DYNC1I1: variants seen among roughly 807,000 people sequenced by gnomAD.
DYNC1I1 encodes cytoplasmic dynein 1 intermediate chain 1.
In DYNC1I1, 43 loss-of-function variants were observed where a neutral mutation model predicts 86.6. That is an observed-to-expected ratio of 0.50 (90% confidence interval 0.39 to 0.64). The LOEUF is 0.64. Ranked by LOEUF, DYNC1I1 falls within the 30% of genes least tolerant of loss-of-function variation. DYNC1I1 has a pLI of 0.00. For missense variants in DYNC1I1, 604 were observed against 788.8 expected (o/e 0.77, Z 2.81); for synonymous variants, 262 against 283.7 (o/e 0.92, Z 0.77).
intron 6 of DYNC1I1, among the ~76,000 whole-genome samples, chr7:95,884,213 G>A (rs761013015): frequency 3.9e-5 from 6 of 152,226 alleles, no homozygotes; most frequent in Non-Finnish European, 7.4e-5. Flanking sequence ...AGACTCCAGC[G>A]GGACATGGTT....
intron 6 of DYNC1I1, among the ~76,000 whole-genome samples, chr7:95,911,256 G>A (rs1246970226): frequency 1.3e-5 from 2 of 152,156 alleles, no homozygotes; most frequent in Admixed American, 1.3e-4. Flanking sequence ...ACTTGTCAGT[G>A]ACCAAAGTGA....
At chr7:96,009,941 G>T (rs576808655) in intron 10 of DYNC1I1, among the ~76,000 whole-genome samples, 1 of 151,760 alleles carries the variant, frequency 6.6e-6, no homozygotes, top group African/African-American at 2.4e-5. Context: ...CACCACACCC[G>T]GCAAATTTTG....
intron 4 of DYNC1I1, among the ~76,000 whole-genome samples, chr7:95,822,619 A>G (rs543445077): frequency 2.6e-5 from 4 of 152,328 alleles, no homozygotes; most frequent in African/African-American, 4.8e-5. Flanking sequence ...GAGTAGGTAC[A>G]GAATTATTGG....
At chr7:95,798,564 CTT>C (rs1221431609) in intron 1 of DYNC1I1, among the ~76,000 whole-genome samples, 3 of 152,100 alleles carry the variant, frequency 2.0e-5, no homozygotes, top group African/African-American at 7.2e-5. Flanking sequence ...GAAAAGAAAA[CTT>C]ATTTCTGGGT....
At chr7:96,062,316 C>T (rs1462892387) in intron 14 of DYNC1I1, among the ~76,000 whole-genome samples, 14 of 152,136 alleles carry the variant, frequency 9.2e-5, no homozygotes, top group Admixed American at 9.2e-4. Context: ...CTGTATTCTT[C>T]CGGAGACAGA....
rs558801286 is a variant in DYNC1I1 at position 95,924,640 on chromosome 7, A to G, written c.491-52872A>G. ...GGAAACACATTAGGTCACTCATTAG[A>G]ACAATTCTGAGTGTTCCTTAAACTT... On this transcript the variant is annotated intron_variant, in intron 6 of 16. Coordinates refer to ENST00000447467, the MANE Select transcript of DYNC1I1 (RefSeq NM_001135556.2). 9.9e-4 allele frequency among the ~76,000 whole-genome samples: 151 copies of G among 152,274 alleles called. 1 individual carries two copies. The highest frequency in any genetic ancestry group is 1.5e-3 in the Non-Finnish European group (100 of 67,998).
rs188381955 is a variant in DYNC1I1, at chr7:95,954,813, G to A, written c.491-22699G>A. 7.0e-3 allele frequency among the ~76,000 whole-genome samples: 1,053 copies of A among 151,324 alleles called. 13 individuals carry two copies. The highest frequency in any genetic ancestry group is 0.024 in the African/African-American group (988 of 41,092). ...CGCCTGTAGTCCCAGCTACTCAGGA[G>A]GCTGAGGCAGGAGAATGGCGTGAAC... On this transcript the variant is annotated intron_variant, in intron 6 of 16. Transcript: ENST00000447467.
chr7:96,048,406 A>C (rs535529834), intron 14 of DYNC1I1, among the ~76,000 whole-genome samples: 1 of 152,260 alleles, frequency 6.6e-6, no homozygotes, highest in East Asian at 1.9e-4. Context: ...CAATTCTTCC[A>C]AGCCAGTGTT....
At chr7:96,017,548 T>G (rs2115887874) in intron 10 of DYNC1I1, among the ~76,000 whole-genome samples, 1 of 152,326 alleles carries the variant, frequency 6.6e-6, no homozygotes, top group South Asian at 2.1e-4. Context: ...TTCTAAAATA[T>G]GACCATTTTG....
intron 6 of DYNC1I1, among the ~76,000 whole-genome samples, chr7:95,973,184 G>C (rs916364913): frequency 6.6e-6 from 1 of 152,144 alleles, no homozygotes; most frequent in African/African-American, 2.4e-5. Flanking sequence ...TTATTTAACT[G>C]TTTTGAAAAT....
intron 5 of DYNC1I1, among the ~76,000 whole-genome samples, chr7:95,828,810 G>A (rs1041349181): frequency 5.3e-5 from 8 of 152,096 alleles, no homozygotes; most frequent in African/African-American, 1.4e-4. Flanking sequence ...ATTTATTTCC[G>A]TTGTAGGATT....
At chr7:95,986,511 TCTGG>T (rs1440139490) in intron 8 of DYNC1I1, among the ~76,000 whole-genome samples, 1 of 152,134 alleles carries the variant, frequency 6.6e-6, no homozygotes, top group African/African-American at 2.4e-5. Context: ...CTGGAACATA[TCTGG>T]TGAATCCTCC....
rs558490843 is a variant in DYNC1I1 at position 96,058,710 on chromosome 7, C to G, written c.1510-17347C>G. Among the ~76,000 whole-genome samples the G allele has an allele frequency of 2.0e-5, 3 of 152,086 alleles. No homozygotes were observed. The East Asian group carries it at 5.8e-4, about 30-fold the overall frequency. On this transcript the variant is annotated intron_variant, in intron 14 of 16. Coordinates refer to ENST00000447467, the MANE Select transcript of DYNC1I1 (RefSeq NM_001135556.2). ...AGTGCAGCAGTGCGATCTCAGCTCA[C>G]TGCAACCTCCACCTCCTGGGTTCAA...
intron 10 of DYNC1I1, among the ~76,000 whole-genome samples, chr7:96,017,963 C>T (rs1794442000): frequency 6.6e-6 from 1 of 152,142 alleles, no homozygotes; most frequent in South Asian, 2.1e-4. Context: ...CAATCAGTTC[C>T]CAGCAGGAAG....
chr7:95,969,149 T>C (rs1326272599), intron 6 of DYNC1I1, among the ~76,000 whole-genome samples: 2 of 152,208 alleles, frequency 1.3e-5, no homozygotes, highest in Non-Finnish European at 2.9e-5. Flanking sequence ...ATTATCATTA[T>C]GTAGTCTATC....
At chr7:95,816,174 T>C (rs1057160616) in intron 4 of DYNC1I1, among the ~76,000 whole-genome samples, 6 of 152,082 alleles carry the variant, frequency 3.9e-5, no homozygotes, top group Non-Finnish European at 7.4e-5. Context: ...TGCACCACCA[T>C]GCACAGCTAA....
intron 1 of DYNC1I1, among the ~76,000 whole-genome samples, chr7:95,788,525 G>A (rs1003020629): frequency 1.3e-5 from 2 of 152,132 alleles, no homozygotes; most frequent in Non-Finnish European, 2.9e-5. Context: ...GTGTGCTGGC[G>A]CCATTGAGGT....
At chr7:95,823,628 GT>G (rs1795130456) in intron 4 of DYNC1I1, among the ~76,000 whole-genome samples, 1 of 151,914 alleles carries the variant, frequency 6.6e-6, no homozygotes. Context: ...AGGGGAAGCT[GT>G]CATAGTTAAA....
downstream of DYNC1I1, among the ~76,000 whole-genome samples, chr7:96,099,932 A>G (rs757894844): frequency 1.3e-5 from 2 of 152,304 alleles, no homozygotes; most frequent in Middle Eastern, 3.4e-3. Flanking sequence ...CAGGCCACAC[A>G]GAAGCTGACC....
Sources: gnomAD v4.1 joint callset for allele counts (sites outside exome capture counted in the v4.1 genomes callset) on GRCh38, gnomAD v4.1.1 for gene constraint, MANE v1.5 for transcripts, NCBI Gene and HGNC (gene_info 2026-07-23, HGNC 2026-07-21) for gene names.